EYS: variants seen among roughly 807,000 people sequenced by gnomAD.
The protein encoded by EYS is EGF-like photoreceptor maintenance factor.
A neutral mutation model predicts 282.1 loss-of-function variants in EYS; 250 were observed. The observed-to-expected ratio is 0.89, with a 90% CI of 0.80 to 0.98. EYS has a LOEUF of 0.98. EYS is among the 50% of genes least tolerant of loss of function. The probability of loss-of-function intolerance (pLI) is 0.00; values close to 1 mark genes in which losing one functional copy is unlikely to be tolerated. For synonymous variants in EYS, 1,355 were observed against 1,282.9 expected (o/e 1.06, Z -1.20); for missense variants, 4,016 against 3,709.0 (o/e 1.08, Z -2.15).
At chr6:65,334,229 T>C (rs1313673273) in intron 11 of EYS, among the ~76,000 whole-genome samples, 1 of 151,832 alleles carries the variant, frequency 6.6e-6, no homozygotes, top group Non-Finnish European at 1.5e-5. Context: ...GTTTCTTTTA[T>C]ACTAAGTAAA....
At chr6:63,733,578 T>C (rs2149636486) in intron 41 of EYS, among the ~76,000 whole-genome samples, 1 of 152,268 alleles carries the variant, frequency 6.6e-6, no homozygotes, top group Admixed American at 6.5e-5. Flanking sequence ...CTTACGATAA[T>C]GGCCTCCAGC....
chr6:64,745,461 G>A (rs2149964649), intron 22 of EYS, among the ~76,000 whole-genome samples: 1 of 152,130 alleles, frequency 6.6e-6, no homozygotes, highest in East Asian at 1.9e-4. Context: ...AAAATTCAGT[G>A]GCATTTAGTA....
intron 26 of EYS, among the ~76,000 whole-genome samples, chr6:64,540,263 C>T (rs2087015641): frequency 6.6e-6 from 1 of 152,110 alleles, no homozygotes; most frequent in Non-Finnish European, 1.5e-5. Flanking sequence ...GCTCAAGGAG[C>T]TCACCAAACT....
intron 5 of EYS, among the ~76,000 whole-genome samples, chr6:65,463,873 T>G (rs1764904147): frequency 3.3e-5 from 5 of 152,146 alleles, no homozygotes; most frequent in Admixed American, 3.3e-4. Context: ...CACCAAGGTC[T>G]GACTGCAAAA....
intron 35 of EYS, among the ~76,000 whole-genome samples, chr6:63,915,159 A>G (rs1764390144): frequency 6.6e-6 from 1 of 152,238 alleles, no homozygotes; most frequent in African/African-American, 2.4e-5. Context: ...TCAAAGGACA[A>G]GCCAACTTTC....
intron 29 of EYS, among the ~76,000 whole-genome samples, chr6:64,372,130 GTTTTTTTTTTTTTT>G (rs201498090): frequency 0.58 from 57,105 of 98,288 alleles, 13,062 homozygotes; most frequent in South Asian, 0.65. Flanking sequence ...GTATACTTGT[GTTTTTTTTTTTTTT>G]TTTTTTTTTT....
intron 31 of EYS, among the ~76,000 whole-genome samples, chr6:64,097,024 C>A (rs929542510): frequency 6.6e-6 from 1 of 152,164 alleles, no homozygotes; most frequent in African/African-American, 2.4e-5. Flanking sequence ...CCACTCCAGA[C>A]CCTTTTTGCC....
chr6:65,121,297 G>A (rs1191385475), intron 12 of EYS, among the ~76,000 whole-genome samples: 1 of 152,110 alleles, frequency 6.6e-6, no homozygotes. Context: ...AGATGGGGAT[G>A]AAACTTATAC....
intron 29 of EYS, among the ~76,000 whole-genome samples, chr6:64,334,620 T>C (rs1340135681): frequency 6.6e-6 from 1 of 152,068 alleles, no homozygotes; most frequent in African/African-American, 2.4e-5. Context: ...TTATAGTCAG[T>C]GAAACAGCCC....
At chr6:64,753,812 T>C (rs965360905) in intron 22 of EYS, among the ~76,000 whole-genome samples, 3 of 152,060 alleles carry the variant, frequency 2.0e-5, no homozygotes, top group Non-Finnish European at 4.4e-5. Context: ...TATTCTTCTC[T>C]TGAGTGCATA....
chr6:65,235,794 A>G (rs973696670), intron 12 of EYS, among the ~76,000 whole-genome samples: 6 of 152,266 alleles, frequency 3.9e-5, no homozygotes, highest in African/African-American at 1.4e-4. Context: ...ACTTTGTAAT[A>G]ATCATTATTA....
chr6:63,944,338 T>G (rs890502573), intron 35 of EYS, among the ~76,000 whole-genome samples: 3 of 152,236 alleles, frequency 2.0e-5, no homozygotes, highest in African/African-American at 7.2e-5. Flanking sequence ...ATTTTTGCCT[T>G]AATGTATCTC....
At chr6:65,545,895 C>A (rs972709) in intron 2 of EYS, among the ~76,000 whole-genome samples, 113,476 of 152,092 alleles carry the variant, frequency 0.75, 43,122 homozygotes, top group African/African-American at 0.89. Context: ...GAAATAGTTA[C>A]ACTTGTATAC....
chr6:65,605,963 G>A (rs1434825393), intron 2 of EYS, among the ~76,000 whole-genome samples: 1 of 151,548 alleles, frequency 6.6e-6, no homozygotes, highest in Admixed American at 6.6e-5. Flanking sequence ...CATTTCAGTA[G>A]TTTGAAAAGT....
In EYS at chr6:65,296,096, A is replaced by G. The variant is rs1481056736; in HGVS notation, c.1790T>C (p.Ile597Thr). The change falls in exon 12 of 43, where the codon ATT (isoleucine) becomes ACT (threonine). Residue 597 changes from isoleucine (I) to threonine (T), a missense_variant. Ile to Thr is a moderately conservative substitution (Grantham distance 89). Coordinates refer to ENST00000503581, the MANE Select transcript of EYS (RefSeq NM_001142800.2). Reference protein sequence around the residue: ...RPRCSCSLSYIGRLCVVNVDY... With the variant: ...RPRCSCSLSYTGRLCVVNVDY... ...AACATTGACAACACACAATCTGCCA[A>G]TGTAACTAAGAGAACAGCTGCATCT... 25 of 1,549,682 alleles carry G rather than the reference A, an allele frequency of 1.6e-5. No homozygotes were observed. Among genetic ancestry groups the G allele is most frequent in the Admixed American group, 2.0e-5 (1 of 50,664 alleles).
intron 22 of EYS, among the ~76,000 whole-genome samples, chr6:64,771,617 C>T (rs1226969559): frequency 6.6e-6 from 1 of 151,654 alleles, no homozygotes; most frequent in African/African-American, 2.4e-5. Flanking sequence ...CAGCTTATAA[C>T]TTCTGTTTTG....
At chr6:65,413,226 A>T (rs1310320568) in intron 5 of EYS, among the ~76,000 whole-genome samples, 1 of 152,172 alleles carries the variant, frequency 6.6e-6, no homozygotes, top group Non-Finnish European at 1.5e-5. Context: ...GCTATGAAGC[A>T]ATTAAAATAA....
In EYS at chr6:65,436,634, T is replaced by C. The variant is rs554629961; in HGVS notation, c.863-31267A>G. Among the ~76,000 whole-genome samples, 13 of 152,276 alleles carry C rather than the reference T, an allele frequency of 8.5e-5. No homozygotes were observed. The South Asian group carries it at 2.3e-3, about 27-fold the overall frequency. On this transcript the variant is annotated intron_variant, in intron 5 of 42. Transcript: ENST00000503581. ...AAATGGTTGAGAACCCTGTTCTATA[T>C]TGTAAATCAACATAGTGACAATCTT... is the stretch of plus-strand genomic sequence containing the variant.
intron 12 of EYS, among the ~76,000 whole-genome samples, chr6:65,271,568 G>C (rs1264795231): frequency 6.6e-6 from 1 of 151,792 alleles, no homozygotes; most frequent in East Asian, 1.9e-4. Flanking sequence ...GCCCAGTCAA[G>C]TTTTTAATTT....
Sources: allele counts gnomAD v4.1 joint callset (sites outside exome capture counted in the v4.1 genomes callset), GRCh38; gene constraint gnomAD v4.1.1; transcripts MANE v1.5; gene names NCBI Gene and HGNC (gene_info 2026-07-23, HGNC 2026-07-21).